The following CTNNA3 variants were observed in gnomAD, a reference collection of about 807,000 sequenced individuals.
CTNNA3 encodes catenin alpha 3.
In CTNNA3, 76 loss-of-function variants were observed where a neutral mutation model predicts 95.7. The ratio of observed to expected loss-of-function variants is 0.79; its 90% confidence interval spans 0.66 to 0.96. CTNNA3 has a LOEUF of 0.96. Among genes scored for constraint, CTNNA3 ranks in the 40% least tolerant of loss-of-function variants. The probability of loss-of-function intolerance (pLI) is 0.00; values close to 1 mark genes in which losing one functional copy is unlikely to be tolerated. For missense variants in CTNNA3, 1,191 were observed against 1,089.8 expected (o/e 1.09, Z -1.31); for synonymous variants, 431 against 374.4 (o/e 1.15, Z -1.74).
chr10:67,661,936 A>G (rs1452307009), intron 1 of CTNNA3, among the ~76,000 whole-genome samples: 6 of 152,244 alleles, frequency 3.9e-5, no homozygotes, highest in Admixed American at 3.3e-4. Context: ...TGCTAGCAAA[A>G]ACGTAAACTG....
chr10:66,788,986 G>A (rs1840859017), intron 7 of CTNNA3, among the ~76,000 whole-genome samples: 1 of 152,164 alleles, frequency 6.6e-6, no homozygotes, highest in East Asian at 1.9e-4. Flanking sequence ...ATTTTTTAAG[G>A]CACTTTATTA....
intron 15 of CTNNA3, among the ~76,000 whole-genome samples, chr10:66,020,973 G>A (rs529767585): frequency 2.0e-5 from 3 of 152,202 alleles, no homozygotes; most frequent in South Asian, 2.1e-4. Context: ...GCATCCGGCC[G>A]ATGATCTGAA....
chr10:66,814,335 A>G (rs1471971285), intron 7 of CTNNA3, among the ~76,000 whole-genome samples: 1 of 152,064 alleles, frequency 6.6e-6, no homozygotes, highest in Admixed American at 6.5e-5. Context: ...GAGACTGAGA[A>G]TGAAAGAATG....
At chr10:66,219,207 G>A (rs1345720775) in intron 13 of CTNNA3, among the ~76,000 whole-genome samples, 4 of 152,100 alleles carry the variant, frequency 2.6e-5, no homozygotes, top group South Asian at 2.1e-4. Flanking sequence ...AATAGGATGA[G>A]GCTTTGTGGG....
rs75112829 is a variant in CTNNA3 at position 67,474,047 on chromosome 10, G to A, written c.579+47795C>T. 2.3e-4 allele frequency among the ~76,000 whole-genome samples: 35 copies of A among 152,194 alleles called. No individual in the cohort carries two copies. The East Asian group carries it at 4.8e-3, about 21-fold the overall frequency. ...TTAGATCTTTACCCCTCCTCATTGAGTAATAAAGTAAACTTCCTTGGAATA... is the reference window on the plus strand; with the variant it reads ...TTAGATCTTTACCCCTCCTCATTGAATAATAAAGTAAACTTCCTTGGAATA... On this transcript the variant is annotated intron_variant, in intron 5 of 17. Coordinates refer to ENST00000433211, the MANE Select transcript of CTNNA3 (RefSeq NM_013266.4).
chr10:66,373,065 C>A (rs2092765907), intron 12 of CTNNA3, among the ~76,000 whole-genome samples: 1 of 152,094 alleles, frequency 6.6e-6, no homozygotes, highest in South Asian at 2.1e-4. Context: ...AATAAAATTT[C>A]TATCACTGTG....
At chr10:67,367,502 G>C (rs2132690063) in intron 5 of CTNNA3, among the ~76,000 whole-genome samples, 1 of 152,276 alleles carries the variant, frequency 6.6e-6, no homozygotes, top group South Asian at 2.1e-4. Context: ...GTGAAACACA[G>C]TTTGGAGATT....
intron 11 of CTNNA3, among the ~76,000 whole-genome samples, chr10:66,468,032 T>C (rs1410639685): frequency 6.6e-6 from 1 of 152,034 alleles, no homozygotes; most frequent in Non-Finnish European, 1.5e-5. Flanking sequence ...TTACTAGACA[T>C]TAATCAACAA....
chr10:66,450,625 T>C (rs971910317), intron 11 of CTNNA3, among the ~76,000 whole-genome samples: 49 of 152,200 alleles, frequency 3.2e-4, no homozygotes, highest in African/African-American at 1.1e-3. Context: ...ATATTTACAC[T>C]TAAAAGAAAA....
At chr10:66,859,263 T>C (rs1843806489) in intron 7 of CTNNA3, among the ~76,000 whole-genome samples, 1 of 151,796 alleles carries the variant, frequency 6.6e-6, no homozygotes, top group Admixed American at 6.6e-5. Flanking sequence ...CACAACCTAC[T>C]CATCTGACAA....
chr10:66,236,137 A>C (rs910144209), intron 13 of CTNNA3, among the ~76,000 whole-genome samples: 1 of 152,190 alleles, frequency 6.6e-6, no homozygotes, highest in African/African-American at 2.4e-5. Context: ...GAAAAGTAAG[A>C]ATGGAAAAAC....
At chr10:67,156,056 T>G (rs1362923490) in intron 7 of CTNNA3, among the ~76,000 whole-genome samples, 1 of 152,162 alleles carries the variant, frequency 6.6e-6, no homozygotes, top group Admixed American at 6.5e-5. Context: ...AGCCATTTCT[T>G]CTGGGTTATC....
chr10:67,001,906 C>T (rs1451431035), intron 7 of CTNNA3, among the ~76,000 whole-genome samples: 1 of 152,192 alleles, frequency 6.6e-6, no homozygotes, highest in Non-Finnish European at 1.5e-5. Context: ...ACATTTGCTA[C>T]AACCAGGCAT....
At chr10:66,508,337 C>T (rs1229757257) in intron 11 of CTNNA3, among the ~76,000 whole-genome samples, 1 of 151,492 alleles carries the variant, frequency 6.6e-6, no homozygotes, top group African/African-American at 2.4e-5. Context: ...TATTTAGAAA[C>T]GGCGTTCACT....
At chr10:67,287,853 TAA>T (rs1389685432) in intron 5 of CTNNA3, among the ~76,000 whole-genome samples, 1 of 152,172 alleles carries the variant, frequency 6.6e-6, no homozygotes, top group African/African-American at 2.4e-5. Context: ...GTTTTAGTCT[TAA>T]AAGAGTACCA....
chr10:65,959,325 G>C lies in CTNNA3; in HGVS notation c.2400+7287C>G, dbSNP rs541710882. The stretch of plus-strand genomic sequence containing the variant: ...CCTTGGCTAGGAAAGGGAATTCCCC[G>C]ACCCCTTGTGCTTCCTGGGTGAGGC... On this transcript the variant is annotated intron_variant, in intron 17 of 17. Transcript: ENST00000433211. 2.0e-5 allele frequency among the ~76,000 whole-genome samples: 3 copies of C among 152,076 alleles called. No individual in the cohort carries two copies. In the South Asian group the frequency reaches 6.2e-4, roughly 32 times the overall value.
chr10:66,845,096 G>C (rs1382305982), intron 7 of CTNNA3, among the ~76,000 whole-genome samples: 1 of 152,120 alleles, frequency 6.6e-6, no homozygotes, highest in East Asian at 1.9e-4. Context: ...ACTTTCTTTA[G>C]GAAATAAGAC....
At chr10:67,654,960 C>T (rs1839981007) in intron 1 of CTNNA3, among the ~76,000 whole-genome samples, 1 of 152,034 alleles carries the variant, frequency 6.6e-6, no homozygotes, top group Non-Finnish European at 1.5e-5. Context: ...TAGTCGAAAA[C>T]ACAGAAATAA....
At chr10:66,620,871 G>A (rs2132314865) in intron 10 of CTNNA3, among the ~76,000 whole-genome samples, 1 of 152,216 alleles carries the variant, frequency 6.6e-6, no homozygotes, top group East Asian at 1.9e-4. Flanking sequence ...GACGTCCAGA[G>A]ACTTAAAGTC....
Sources: gnomAD v4.1 joint callset for allele counts (sites outside exome capture counted in the v4.1 genomes callset) on GRCh38, gnomAD v4.1.1 for gene constraint, MANE v1.5 for transcripts, NCBI Gene and HGNC (gene_info 2026-07-23, HGNC 2026-07-21) for gene names.